PTPRG: variants seen among roughly 807,000 people sequenced by gnomAD.
The protein encoded by PTPRG is receptor-type tyrosine-protein phosphatase gamma.
Under a neutral mutation model 165.3 loss-of-function variants are expected in PTPRG, and 102 were observed. The observed-to-expected ratio is 0.62, with a 90% CI of 0.53 to 0.73. The LOEUF is 0.73. Ranked by LOEUF, PTPRG falls within the 30% of genes least tolerant of loss-of-function variation. The pLI is 0.00. For synonymous variants in PTPRG, 675 were observed against 669.5 expected (o/e 1.01, Z -0.13); for missense variants, 1,866 against 1,861.4 (o/e 1.00, Z -0.05).
intron 2 of PTPRG, among the ~76,000 whole-genome samples, chr3:61,941,343 G>T (rs2039622310): frequency 6.6e-6 from 1 of 152,266 alleles, no homozygotes; most frequent in Admixed American, 6.5e-5. Context: ...CAGTGATTTA[G>T]GCCAGGCATG....
chr3:62,255,231 G>A lies in PTPRG; in HGVS notation c.2559+16G>A. 1 of 1,590,296 alleles carries A rather than the reference G, an allele frequency of 6.3e-7. No individual in the cohort carries two copies. The highest frequency in any genetic ancestry group is 8.6e-7 in the Non-Finnish European group (1 of 1,163,566). On this transcript the variant is annotated intron_variant, in intron 16 of 29. Transcript: ENST00000474889. The surrounding 1 kb of genome is among the most constrained non-coding windows in gnomAD (Gnocchi z 4.0). The stretch of plus-strand genomic sequence containing the variant: ...GGATTTTGAGGTATGTTTCAAGGCT[G>A]GAAGTTAACTTCCAGAAACCTAAGT...
chr3:61,718,469 C>T (rs1193970588), intron 1 of PTPRG, among the ~76,000 whole-genome samples: 1 of 152,082 alleles, frequency 6.6e-6, no homozygotes, highest in Non-Finnish European at 1.5e-5. Context: ...AAAGACTACA[C>T]AATCATGTGA....
intron 1 of PTPRG, among the ~76,000 whole-genome samples, chr3:61,638,604 T>G (rs1259508375): frequency 7.0e-6 from 1 of 142,578 alleles, no homozygotes; most frequent in Non-Finnish European, 1.5e-5. Flanking sequence ...TTTTTTTTTT[T>G]TTTTTTTTTT....
intron 6 of PTPRG, among the ~76,000 whole-genome samples, chr3:62,154,743 A>AG (rs1250729727): frequency 6.6e-6 from 1 of 152,012 alleles, no homozygotes; most frequent in Non-Finnish European, 1.5e-5. Flanking sequence ...CTCGGCTCTG[A>AG]GGGGAAAACT....
At chr3:62,098,985 T>C (rs1275745919) in intron 5 of PTPRG, among the ~76,000 whole-genome samples, 1 of 152,192 alleles carries the variant, frequency 6.6e-6, no homozygotes, top group African/African-American at 2.4e-5. Flanking sequence ...AGACACATTG[T>C]GAGATGATGC....
At chr3:61,951,090 A>G (rs2039889282) in intron 2 of PTPRG, among the ~76,000 whole-genome samples, 1 of 152,212 alleles carries the variant, frequency 6.6e-6, no homozygotes, top group Non-Finnish European at 1.5e-5. Context: ...CTAGCTCTTA[A>G]AGACAGTAAG....
At chr3:62,094,520 C>A (rs1421016153) in intron 5 of PTPRG, among the ~76,000 whole-genome samples, 15 of 152,154 alleles carry the variant, frequency 9.9e-5, no homozygotes, top group Non-Finnish European at 1.8e-4. Context: ...CCGTTGAATA[C>A]CTATGGAATC....
At chr3:61,648,628 C>T (rs1702268914) in intron 1 of PTPRG, among the ~76,000 whole-genome samples, 1 of 152,204 alleles carries the variant, frequency 6.6e-6, no homozygotes, top group East Asian at 1.9e-4. Flanking sequence ...CGTCTAATGC[C>T]TGCACTTCCC....
At chr3:62,017,623 A>C (rs2041580940) in intron 4 of PTPRG, among the ~76,000 whole-genome samples, 1 of 143,404 alleles carries the variant, frequency 7.0e-6, no homozygotes. Context: ...ACGGGGTTTC[A>C]CCGTGTTAGC....
intron 4 of PTPRG, among the ~76,000 whole-genome samples, chr3:62,010,216 C>T (rs1047872503): frequency 2.0e-5 from 3 of 152,094 alleles, no homozygotes; most frequent in African/African-American, 7.2e-5. Flanking sequence ...CCATGCCTGG[C>T]CTGGAAATAA....
chr3:62,211,327 T>C (rs1700352471), intron 12 of PTPRG, among the ~76,000 whole-genome samples: 1 of 152,088 alleles, frequency 6.6e-6, no homozygotes, highest in Non-Finnish European at 1.5e-5. Context: ...AGTAGAATGG[T>C]GGTTGCCAGA....
At chr3:61,685,381 A>C (rs777530330) in intron 1 of PTPRG, among the ~76,000 whole-genome samples, 1 of 152,222 alleles carries the variant, frequency 6.6e-6, no homozygotes, top group Non-Finnish European at 1.5e-5. Flanking sequence ...GATGGTCCCA[A>C]TAGGGATCTG....
chr3:61,929,759 G>A (rs1409775628), intron 2 of PTPRG, among the ~76,000 whole-genome samples: 6 of 152,238 alleles, frequency 3.9e-5, no homozygotes, highest in African/African-American at 1.4e-4. Context: ...TGATTCAGGA[G>A]CAAGAGCGAG....
At chr3:61,836,785 C>A (rs184858983) in intron 2 of PTPRG, among the ~76,000 whole-genome samples, 1 of 152,206 alleles carries the variant, frequency 6.6e-6, no homozygotes, top group African/African-American at 2.4e-5. Flanking sequence ...CTGTCTGTCA[C>A]CCAGGCTGGA....
At chr3:61,959,843 T>A (rs540507815) in intron 2 of PTPRG, among the ~76,000 whole-genome samples, 1 of 152,274 alleles carries the variant, frequency 6.6e-6, no homozygotes, top group African/African-American at 2.4e-5. Flanking sequence ...CCAGTGTCAT[T>A]TTGTTCTTCT....
chr3:62,091,607 G>C (rs1397996599), intron 5 of PTPRG, among the ~76,000 whole-genome samples: 1 of 152,082 alleles, frequency 6.6e-6, no homozygotes, highest in Non-Finnish European at 1.5e-5. Flanking sequence ...ATAAAACGGG[G>C]ATCCTTTATG....
chr3:61,799,826 T>A (rs2035178481), intron 2 of PTPRG, among the ~76,000 whole-genome samples: 1 of 152,160 alleles, frequency 6.6e-6, no homozygotes. Context: ...ACTAACCCCT[T>A]GAGAGTGTGG....
chr3:61,607,640 C>G (rs1701050942), intron 1 of PTPRG, among the ~76,000 whole-genome samples: 1 of 152,194 alleles, frequency 6.6e-6, no homozygotes, highest in Non-Finnish European at 1.5e-5. Context: ...TAATCTGACT[C>G]TTCTCTCCTG....
At chr3:62,277,858 A>C (rs1383747587) in intron 26 of PTPRG, among the ~76,000 whole-genome samples, 179 bp downstream of exon 26, 1 of 152,094 alleles carries the variant, frequency 6.6e-6, no homozygotes, top group African/African-American at 2.4e-5. Context: ...TACTGTCCCT[A>C]TCAGTTCCAT....
Sources: allele counts gnomAD v4.1 joint callset (sites outside exome capture counted in the v4.1 genomes callset), GRCh38; gene constraint gnomAD v4.1.1; non-coding constraint Gnocchi (gnomAD v3.1); transcripts MANE v1.5; gene names NCBI Gene and HGNC (gene_info 2026-07-23, HGNC 2026-07-21).